GREB1L: variants seen among roughly 807,000 people sequenced by gnomAD.
GREB1L encodes GREB1 like retinoic acid receptor coactivator.
GREB1L carries 17 observed loss-of-function variants against 200.8 expected under a neutral mutation model. The ratio of observed to expected loss-of-function variants is 0.08; its 90% CI spans 0.06 to 0.13. The LOEUF (loss-of-function observed/expected upper bound fraction) is 0.13, where lower values mean the gene tolerates loss of function less well. Ranked by LOEUF, GREB1L falls within the 10% of genes least tolerant of loss-of-function variation. GREB1L has a pLI of 1.00. For synonymous variants in GREB1L, 789 were observed against 893.0 expected (o/e 0.88, Z 2.08); for missense variants, 1,657 against 2,367.7 (o/e 0.70, Z 6.23).
intron 29 of GREB1L, 87 bp downstream of exon 29, chr18:21,515,731 A>G (rs747824431): frequency 1.1e-6 from 1 of 951,716 alleles, no homozygotes; most frequent in Non-Finnish European, 1.6e-6. Flanking sequence ...TTTTATTCGT[A>G]TGTCTTCAGT....
At chr18:21,398,819 C>A (rs2041192876) in intron 5 of GREB1L, among the ~76,000 whole-genome samples, 2 of 152,222 alleles carry the variant, frequency 1.3e-5, no homozygotes, top group Admixed American at 6.5e-5. Flanking sequence ...CCCAAATCTA[C>A]CATGCAATTG....
At chr18:21,378,890 GA>G (rs1168811314) in intron 2 of GREB1L, among the ~76,000 whole-genome samples, 3 of 151,410 alleles carry the variant, frequency 2.0e-5, no homozygotes, top group Non-Finnish European at 4.4e-5. Flanking sequence ...TTCGGGGGGG[GA>G]CAGGATCTTG....
At chr18:21,316,608 C>T (rs2144859748) in intron 1 of GREB1L, among the ~76,000 whole-genome samples, 1 of 152,164 alleles carries the variant, frequency 6.6e-6, no homozygotes, top group East Asian at 1.9e-4. Context: ...TCCCATGTTA[C>T]CTGGCTGTAA....
chr18:21,308,293 G>A (rs2038734087), intron 1 of GREB1L, among the ~76,000 whole-genome samples: 1 of 152,170 alleles, frequency 6.6e-6, no homozygotes, highest in African/African-American at 2.4e-5. Context: ...ACCAGACATG[G>A]AGTATGCATC....
At chr18:21,412,051 CAAAAAAAAAAAAAAAA>C (rs962603456) in intron 7 of GREB1L, among the ~76,000 whole-genome samples, 3 of 30,492 alleles carry the variant, frequency 9.8e-5, no homozygotes, top group African/African-American at 3.3e-4. Flanking sequence ...GACTCCGTCT[CAAAAAAAAAAAAAAAA>C]AAAAAAAAAA....
chr18:21,321,811 C>T (rs889967622), intron 1 of GREB1L, among the ~76,000 whole-genome samples: 3 of 152,168 alleles, frequency 2.0e-5, no homozygotes, highest in Non-Finnish European at 2.9e-5. Context: ...CCATAGATGT[C>T]AAAAGGGCAC....
intron 1 of GREB1L, among the ~76,000 whole-genome samples, chr18:21,315,944 C>T (rs570113565): frequency 2.0e-5 from 3 of 152,248 alleles, no homozygotes; most frequent in African/African-American, 4.8e-5. Flanking sequence ...GTGACCCGAC[C>T]CTCCCCCCTG....
At chr18:21,358,726 A>G (rs1221232188) in intron 1 of GREB1L, among the ~76,000 whole-genome samples, 1 of 152,246 alleles carries the variant, frequency 6.6e-6, no homozygotes, top group Non-Finnish European at 1.5e-5. Flanking sequence ...AAGACTACAC[A>G]TTGGGTAGCG....
intron 1 of GREB1L, among the ~76,000 whole-genome samples, chr18:21,333,231 C>T (rs2039133552): frequency 1.3e-5 from 2 of 152,128 alleles, no homozygotes; most frequent in Non-Finnish European, 2.9e-5. Flanking sequence ...CACTCGCATG[C>T]ACTGGGTTCA....
At chr18:21,293,826 C>T (rs1479332015) in intron 1 of GREB1L, among the ~76,000 whole-genome samples, 1 of 152,148 alleles carries the variant, frequency 6.6e-6, no homozygotes, top group Non-Finnish European at 1.5e-5. Context: ...CTTACCCAGG[C>T]TGGAGTGCAG....
chr18:21,517,973 C>T lies in GREB1L; in HGVS notation c.5272-61C>T, dbSNP rs2037478954. ...ACTGTTAGGATACACTTCAGTGTTT[C>T]CTCACCTGTTTAATCCAGTGACAGA... On this transcript the variant is annotated intron_variant, in intron 30 of 32. Coordinates refer to ENST00000424526, the MANE Select transcript of GREB1L (RefSeq NM_001142966.3). 6.1e-6 allele frequency: 8 copies of T among 1,302,464 alleles called. 1 individual carries two copies. In the South Asian group the frequency reaches 1.0e-4, roughly 17 times the overall value. The allele number at this position is 1,302,464 out of a possible 1,614,324, so 80.7% of individuals were successfully genotyped here.
chr18:21,391,367 A>G (rs2040797023), intron 4 of GREB1L, among the ~76,000 whole-genome samples: 2 of 152,240 alleles, frequency 1.3e-5, no homozygotes, highest in Non-Finnish European at 2.9e-5. Flanking sequence ...ATTAGGCTAT[A>G]CCATCTAGCC....
intron 18 of GREB1L, among the ~76,000 whole-genome samples, chr18:21,487,986 G>A (rs1426753095): frequency 4.6e-5 from 7 of 151,046 alleles, no homozygotes; most frequent in Admixed American, 3.3e-4. Context: ...ACTCCAGTCC[G>A]AGCGACAGAG....
intron 27 of GREB1L, among the ~76,000 whole-genome samples, chr18:21,512,219 C>T (rs2037266724): frequency 6.6e-6 from 1 of 152,128 alleles, no homozygotes; most frequent in African/African-American, 2.4e-5. Flanking sequence ...TTTTCTATTT[C>T]TGCAAAGTCT....
At chr18:21,424,979 T>C (rs2032447887) in intron 7 of GREB1L, among the ~76,000 whole-genome samples, 1 of 152,254 alleles carries the variant, frequency 6.6e-6, no homozygotes, top group African/African-American at 2.4e-5. Context: ...GTAGTATGTA[T>C]CAGTACTTTA....
chr18:21,251,603 T>A (rs974118977), intron 1 of GREB1L, among the ~76,000 whole-genome samples: 2 of 152,160 alleles, frequency 1.3e-5, no homozygotes, highest in African/African-American at 4.8e-5. Flanking sequence ...ATAAATGCCA[T>A]AGACATATGA....
intron 15 of GREB1L, among the ~76,000 whole-genome samples, chr18:21,457,150 GAA>G (rs1555651117): frequency 9.9e-5 from 15 of 152,160 alleles, no homozygotes; most frequent in Admixed American, 6.5e-4. Context: ...TTTGACAGAT[GAA>G]TAAATTGTGC....
chr18:21,499,657 C>T, intron 21 of GREB1L, 72 bp from the exon 22 acceptor site: 1 of 1,125,480 alleles, frequency 8.9e-7, no homozygotes, highest in Non-Finnish European at 1.3e-6. Context: ...GCTTTCCTGG[C>T]CTTTGTCTGC....
In GREB1L at chr18:21,441,695, A is replaced by G. The variant is rs1273920694; in HGVS notation, c.1207+158A>G. On this transcript the variant is annotated intron_variant, in intron 10 of 32. Coordinates refer to ENST00000424526, the MANE Select transcript of GREB1L (RefSeq NM_001142966.3). ...TCTTTCATGCTATATTAAACATGTG[A>G]TTAGGAGCTGAGGATAAGGCAAAGT... Among the ~76,000 whole-genome samples the G allele has an allele frequency of 5.3e-5, 8 of 152,140 alleles. No homozygotes were observed. The East Asian group carries it at 1.5e-3, about 29-fold the overall frequency.
Sources: allele counts gnomAD v4.1 joint callset (sites outside exome capture counted in the v4.1 genomes callset), GRCh38; gene constraint gnomAD v4.1.1; transcripts MANE v1.5; gene names NCBI Gene and HGNC (gene_info 2026-07-23, HGNC 2026-07-21).